The following MTHFS variants were observed in gnomAD, a reference collection of about 807,000 sequenced individuals.
MTHFS encodes the protein 5-formyltetrahydrofolate cyclo-ligase.
MTHFS carries 7 observed loss-of-function variants against 12.7 expected under a neutral mutation model. That is an observed-to-expected ratio of 0.55 (90% CI 0.31 to 1.03). The LOEUF (loss-of-function observed/expected upper bound fraction) is 1.03, where lower values mean the gene tolerates loss of function less well. Ranked by LOEUF, MTHFS falls within the 50% of genes least tolerant of loss-of-function variation. The pLI is 0.05. For synonymous variants in MTHFS, 100 were observed against 97.1 expected, an observed-to-expected ratio of 1.03 and a Z score of -0.18; for missense variants, 252 against 258.1, an observed-to-expected ratio of 0.98 and a Z score of 0.16.
intron 2 of MTHFS, among the ~76,000 whole-genome samples, chr15:79,863,849 T>C (rs1392838748): frequency 6.6e-6 from 1 of 152,232 alleles, no homozygotes; most frequent in African/African-American, 2.4e-5. Context: ...CCCAGACTTC[T>C]TTTCCAAGCA....
At chr15:79,894,325 G>A (rs1341237927) in intron 1 of MTHFS, among the ~76,000 whole-genome samples, 3 of 152,034 alleles carry the variant, frequency 2.0e-5, no homozygotes, top group Non-Finnish European at 4.4e-5. Flanking sequence ...AGGTTGCAGT[G>A]AGCCGAGATC....
At chr15:79,887,586 T>C (rs1371010751) in intron 2 of MTHFS, among the ~76,000 whole-genome samples, 1 of 152,232 alleles carries the variant, frequency 6.6e-6, no homozygotes, top group East Asian at 1.9e-4. Flanking sequence ...GACAGTATCC[T>C]GGGTTCCACC....
intron 2 of MTHFS, among the ~76,000 whole-genome samples, chr15:79,846,355 T>C (rs138459712): frequency 3.3e-5 from 5 of 152,338 alleles, no homozygotes; most frequent in Non-Finnish European, 5.9e-5. Context: ...CTTGGCCTCC[T>C]GACAGCTGTC....
At chr15:79,849,699 G>C (rs189783173) in intron 2 of MTHFS, among the ~76,000 whole-genome samples, 70 of 152,382 alleles carry the variant, frequency 4.6e-4, no homozygotes, top group African/African-American at 1.6e-3. Context: ...CAATGTGCAA[G>C]AGCCAACCTG....
Position 79,860,228 on chromosome 15 carries a change from A to C in MTHFS, c.380-14786T>G, listed in dbSNP as rs548941035. Among the ~76,000 whole-genome samples, 4 of 152,198 alleles carry C rather than the reference A, an allele frequency of 2.6e-5. No individual in the cohort carries two copies. In the South Asian group the frequency reaches 8.3e-4, roughly 32 times the overall value. On this transcript the variant is annotated intron_variant, in intron 2 of 2. Coordinates refer to ENST00000258874, the MANE Select transcript of MTHFS (RefSeq NM_006441.4). ...CATGGTGAAACCCTGCCTCTACCAA[A>C]AATACAAAAAATTAGCCGGGTGTGG...
At chr15:79,845,845 T>C (rs1382897934) in intron 2 of MTHFS, among the ~76,000 whole-genome samples, 1 of 152,070 alleles carries the variant, frequency 6.6e-6, no homozygotes, top group East Asian at 1.9e-4. Context: ...GGAGGAGCCA[T>C]AAAGGACAAA....
intron 2 of MTHFS, among the ~76,000 whole-genome samples, chr15:79,851,892 T>G (rs1454232616): frequency 1.3e-5 from 2 of 152,196 alleles, no homozygotes; most frequent in Non-Finnish European, 2.9e-5. Flanking sequence ...TGTGTAGGAT[T>G]CTAGACAGGC....
At chr15:79,866,969 G>C (rs1183817999) in intron 2 of MTHFS, among the ~76,000 whole-genome samples, 1 of 149,360 alleles carries the variant, frequency 6.7e-6, no homozygotes, top group Non-Finnish European at 1.5e-5. Context: ...AGCAGAGTGA[G>C]ACTCTGTCTC....
At chr15:79,889,657 C>A (rs1341093346) in intron 1 of MTHFS, among the ~76,000 whole-genome samples, 1 of 152,108 alleles carries the variant, frequency 6.6e-6, no homozygotes, top group East Asian at 1.9e-4. Flanking sequence ...GAATTCCAGG[C>A]TTGATCCCCA....
intron 2 of MTHFS, among the ~76,000 whole-genome samples, chr15:79,854,653 T>C (rs2033770213): frequency 6.6e-6 from 1 of 152,234 alleles, no homozygotes; most frequent in African/African-American, 2.4e-5. Context: ...AACAAAGCTA[T>C]TTTCCTTTAG....
chr15:79,870,174 C>A (rs28441113), intron 2 of MTHFS, among the ~76,000 whole-genome samples: 3,473 of 152,164 alleles, frequency 0.023, 122 homozygotes, highest in African/African-American at 0.079. Context: ...GACATCAGAC[C>A]TCACCTACAA....
intron 2 of MTHFS, among the ~76,000 whole-genome samples, chr15:79,874,995 G>A (rs1051862825): frequency 6.6e-6 from 1 of 151,876 alleles, no homozygotes; most frequent in Non-Finnish European, 1.5e-5. Flanking sequence ...GTCCTGAGGC[G>A]ACACACATCC....
At chr15:79,872,800 C>T (rs568382597) in intron 2 of MTHFS, among the ~76,000 whole-genome samples, 1 of 152,158 alleles carries the variant, frequency 6.6e-6, no homozygotes, top group African/African-American at 2.4e-5. Flanking sequence ...TCACTTTTGT[C>T]ATCGTCTGCT....
chr15:79,868,665 T>G (rs2141357500), intron 2 of MTHFS, among the ~76,000 whole-genome samples: 1 of 152,348 alleles, frequency 6.6e-6, no homozygotes, highest in East Asian at 1.9e-4. Context: ...CTTTCTTGCC[T>G]AACTGCATGA....
At chr15:79,892,544 G>C (rs553557174) in intron 1 of MTHFS, among the ~76,000 whole-genome samples, 4 of 152,144 alleles carry the variant, frequency 2.6e-5, no homozygotes, top group Non-Finnish European at 4.4e-5. Flanking sequence ...GAAAAGCTTT[G>C]GTACTGACAC....
chr15:79,867,846 A>T (rs987205587), intron 2 of MTHFS, among the ~76,000 whole-genome samples: 13 of 152,204 alleles, frequency 8.5e-5, no homozygotes, highest in African/African-American at 3.1e-4. Context: ...TTGGAAGAGT[A>T]TCTCCAGTCA....
At chr15:79,849,853 G>C (rs1369595047) in intron 2 of MTHFS, among the ~76,000 whole-genome samples, 1 of 152,200 alleles carries the variant, frequency 6.6e-6, no homozygotes, top group East Asian at 1.9e-4. Context: ...ATGTGATCTT[G>C]CATTCCAAAA....
intron 2 of MTHFS, chr15:79,876,732 T>G (rs2034203208): frequency 6.6e-6 from 1 of 150,944 alleles, no homozygotes; most frequent in Non-Finnish European, 1.5e-5. Flanking sequence ...TCAATAAGTA[T>G]CAAACTCTAC....
chr15:79,858,709 A>G (rs2033855154), intron 2 of MTHFS, among the ~76,000 whole-genome samples: 1 of 152,208 alleles, frequency 6.6e-6, no homozygotes, highest in South Asian at 2.1e-4. Context: ...TATTCAATCC[A>G]TCTCATAAAT....
Sources: gnomAD v4.1 joint callset for allele counts (sites outside exome capture counted in the v4.1 genomes callset) on GRCh38, gnomAD v4.1.1 for gene constraint, MANE v1.5 for transcripts, NCBI Gene and HGNC (gene_info 2026-07-23, HGNC 2026-07-21) for gene names.